MGST1: variants seen among roughly 807,000 people sequenced by gnomAD.
MGST1 encodes the protein microsomal glutathione S-transferase 1, also known as glutathione S-transferase 12.
Under a neutral mutation model 8.9 loss-of-function variants are expected in MGST1, and 5 were observed. That is an observed-to-expected ratio of 0.56 (90% CI 0.29 to 1.19). The LOEUF (loss-of-function observed/expected upper bound fraction) is 1.19. Among genes scored for constraint, MGST1 ranks in the 50% most tolerant of loss-of-function variants. The pLI, the probability that MGST1 is intolerant of heterozygous loss-of-function variation, is 0.08. For missense variants in MGST1, 182 were observed against 187.4 expected (o/e 0.97, Z 0.17); for synonymous variants, 54 against 67.8 (o/e 0.80, Z 1.00).
At chr12:16,508,890 T>C (rs1941558127) in intron 4 of MGST1, among the ~76,000 whole-genome samples, 2 of 152,146 alleles carry the variant, frequency 1.3e-5, no homozygotes, top group African/African-American at 4.8e-5. Context: ...TGATATTAAG[T>C]TTATCCCGAG....
chr12:16,438,761 C>A (rs1328083548), exon 2 of MGST1: 4 of 151,848 alleles, frequency 2.6e-5, no homozygotes, highest in Middle Eastern at 3.2e-3. Flanking sequence ...TGAAAGGCCA[C>A]AACTAACTGT....
chr12:16,402,438 C>T (rs1940665562), intron 1 of MGST1: 2 of 1,602,874 alleles, frequency 1.2e-6, no homozygotes, highest in Admixed American at 1.7e-5. Flanking sequence ...GACGCCGCTT[C>T]TCCTCGGGTT....
At chr12:16,408,945 T>C (rs66687044) in intron 1 of MGST1, among the ~76,000 whole-genome samples, 12,501 of 152,202 alleles carry the variant, frequency 0.082, 615 homozygotes, top group East Asian at 0.22. Flanking sequence ...CTTATTGTGC[T>C]TCTCATTTTT....
chr12:16,582,189 G>A lies in MGST1; in HGVS notation n.483-7339G>A, dbSNP rs1943182090. ...CTGTTTCTCTTTATTTGGAAGTTTT[G>A]AAATGGCTGAATTTTATCAATTGCC... On this transcript the variant is annotated intron_variant and non_coding_transcript_variant, in intron 4 of 4. Coordinates refer to the MGST1 transcript ENST00000538857. This position sits in a 1 kb window ranked among gnomAD's most constrained non-coding sequence, Gnocchi z 4.1. Among the ~76,000 whole-genome samples the A allele has an allele frequency of 6.6e-6, 1 of 152,078 alleles. No individual in the cohort carries two copies. Among genetic ancestry groups the A allele is most frequent in the African/African-American group, 2.4e-5 (1 of 41,414 alleles).
Position 16,361,102 on chromosome 12 carries a change from T to C in MGST1, c.222-2693T>C, listed in dbSNP as rs1939975052. 6.6e-6 allele frequency among the ~76,000 whole-genome samples: 1 copy of C among 152,120 alleles called. No individual in the cohort carries two copies. The highest frequency in any genetic ancestry group is 2.4e-5 in the African/African-American group (1 of 41,438). On this transcript the variant is annotated intron_variant, in intron 3 of 3. Coordinates refer to ENST00000396210, the MANE Select transcript of MGST1 (RefSeq NM_020300.5). This position sits in a 1 kb window ranked among gnomAD's most constrained non-coding sequence, Gnocchi z 4.2. ...GAAGACCTTGAAGAGTATTAGGATT[T>C]GAAAGGAGAAAGAGGAGAGAAGTCT... is the stretch of plus-strand genomic sequence containing the variant.
chr12:16,365,150 G>A (rs566672869), downstream of MGST1, among the ~76,000 whole-genome samples: 1 of 152,074 alleles, frequency 6.6e-6, no homozygotes, highest in Admixed American at 6.5e-5. Flanking sequence ...ATCATATGTG[G>A]GGTGATAATT....
downstream of MGST1, among the ~76,000 whole-genome samples, chr12:16,365,529 T>C (rs1165397589): frequency 1.3e-5 from 2 of 152,224 alleles, no homozygotes; most frequent in Admixed American, 6.5e-5. Context: ...CTGAAGTCCA[T>C]AAACAAAACC....
intron 1 of MGST1, among the ~76,000 whole-genome samples, chr12:16,423,446 T>G (rs1356702030): frequency 1.3e-5 from 2 of 149,536 alleles, no homozygotes; most frequent in Non-Finnish European, 3.0e-5. Flanking sequence ...AAAATTCTTG[T>G]TGTCCATGCT....
chr12:16,387,733 A>G (rs7298920), intron 1 of MGST1, among the ~76,000 whole-genome samples: 45,291 of 151,828 alleles, frequency 0.3, 6,840 homozygotes, highest in South Asian at 0.36. Context: ...TCACCGTGTT[A>G]ACCAGGATGG....
At chr12:16,420,925 C>G (rs796248083) in intron 1 of MGST1, among the ~76,000 whole-genome samples, 1 of 152,134 alleles carries the variant, frequency 6.6e-6, no homozygotes, top group Non-Finnish European at 1.5e-5. Context: ...TCGGATTGAT[C>G]TCTTTTACTG....
chr12:16,352,669 A>G (rs1470292976), intron 1 of MGST1, among the ~76,000 whole-genome samples: 3 of 152,202 alleles, frequency 2.0e-5, no homozygotes, highest in African/African-American at 4.8e-5. Flanking sequence ...CACATTCCCA[A>G]TTATACTTCC....
chr12:16,411,789 TGTAAAA>T (rs1940744964), intron 1 of MGST1, among the ~76,000 whole-genome samples: 1 of 152,192 alleles, frequency 6.6e-6, no homozygotes, highest in Non-Finnish European at 1.5e-5. Context: ...TCTTTTTAGA[TGTAAAA>T]GTAGTGTAGA....
chr12:16,476,069 A>G (rs192840876), intron 4 of MGST1, among the ~76,000 whole-genome samples: 1 of 152,308 alleles, frequency 6.6e-6, no homozygotes, highest in Non-Finnish European at 1.5e-5. Flanking sequence ...TTCCTAGTCT[A>G]GACCCAGTGA....
chr12:16,373,682 T>C (rs184740644), intron 3 of MGST1, among the ~76,000 whole-genome samples: 8 of 152,252 alleles, frequency 5.3e-5, no homozygotes, highest in Non-Finnish European at 8.8e-5. Flanking sequence ...TCTCTCATTA[T>C]TTTTCACTGA....
In MGST1 at chr12:16,497,988, G is replaced by T. The variant is rs1309631220; in HGVS notation, n.483-91540G>T. Reference sequence around the variant, plus strand: ...GGAAATTGGAAAATAATATACATCTGCGAATGTCACATTCCTTAAAGCAAA... The same window carrying T: ...GGAAATTGGAAAATAATATACATCTTCGAATGTCACATTCCTTAAAGCAAA... On this transcript the variant is annotated intron_variant and non_coding_transcript_variant, in intron 4 of 4. Coordinates refer to the MGST1 transcript ENST00000538857. This position sits in a 1 kb window ranked among gnomAD's most constrained non-coding sequence, Gnocchi z 4.4. Among the ~76,000 whole-genome samples the T allele has an allele frequency of 1.3e-5, 2 of 152,046 alleles. No individual in the cohort carries two copies. The highest frequency in any genetic ancestry group is 2.9e-5 in the Non-Finnish European group (2 of 67,998).
At position 16,585,849 on chromosome 12, in the gene MGST1, G is replaced by A. The variant is rs1325656392; in HGVS notation, n.483-3679G>A. On this transcript the variant is annotated intron_variant and non_coding_transcript_variant, in intron 4 of 4. Transcript: ENST00000538857. This position sits in a 1 kb window ranked among gnomAD's most constrained non-coding sequence, Gnocchi z 4.7. ...AGGAAACAAAGAAAAGAGGGAAAAT[G>A]TCAACATGTATATGATTCACAGGCC... Among the ~76,000 whole-genome samples the A allele has an allele frequency of 2.0e-5, 3 of 152,300 alleles. No homozygotes were observed. Among genetic ancestry groups the A allele is most frequent in the Admixed American group, 2.0e-4 (3 of 15,290 alleles).
chr12:16,520,521 T>C (rs1941641947), intron 4 of MGST1, among the ~76,000 whole-genome samples: 1 of 152,136 alleles, frequency 6.6e-6, no homozygotes, highest in South Asian at 2.1e-4. Flanking sequence ...GGGAGGCGGC[T>C]ATGACTGTGA....
In MGST1 at chr12:16,582,056, C is replaced by T. The variant is rs1249183589; in HGVS notation, n.483-7472C>T. 6.6e-6 allele frequency among the ~76,000 whole-genome samples: 1 copy of T among 151,880 alleles called. No homozygotes were observed. The highest frequency in any genetic ancestry group is 1.5e-5 in the Non-Finnish European group (1 of 67,982). On this transcript the variant is annotated intron_variant and non_coding_transcript_variant, in intron 4 of 4. Coordinates refer to the MGST1 transcript ENST00000538857. The surrounding 1 kb of genome is among the most constrained non-coding windows in gnomAD (Gnocchi z 4.1). The stretch of plus-strand genomic sequence containing the variant: ...AATATGAGGGACAATAATGAGTATC[C>T]CTGGCTTTTTCTTGGCTTTAATGGA...
intron 4 of MGST1, among the ~76,000 whole-genome samples, chr12:16,492,464 C>T (rs148281908): frequency 6.7e-4 from 102 of 152,224 alleles, no homozygotes; most frequent in African/African-American, 2.3e-3. Flanking sequence ...GGCAGTGTAG[C>T]GCCATCTGTA....
Sources: allele counts gnomAD v4.1 joint callset (sites outside exome capture counted in the v4.1 genomes callset), GRCh38; gene constraint gnomAD v4.1.1; non-coding constraint Gnocchi (gnomAD v3.1); transcripts MANE v1.5; gene names NCBI Gene and HGNC (gene_info 2026-07-23, HGNC 2026-07-21).